Variants in OTUD7A observed in about 807,000 individuals in gnomAD.
OTUD7A encodes OTU domain-containing protein 7A.
Under a neutral mutation model 65.7 loss-of-function variants are expected in OTUD7A, and 12 were observed. That is an observed-to-expected ratio of 0.18 (90% CI 0.12 to 0.30). The LOEUF (loss-of-function observed/expected upper bound fraction) is 0.30. Ranked by LOEUF, OTUD7A falls within the 10% of genes least tolerant of loss-of-function variation. The pLI is 1.00. For missense variants in OTUD7A, 1,148 were observed against 1,304.8 expected (o/e 0.88, Z 1.85); for synonymous variants, 641 against 586.3 (o/e 1.09, Z -1.35).
chr15:31,728,858 A>G (rs904684229), intron 1 of OTUD7A, among the ~76,000 whole-genome samples: 1 of 152,204 alleles, frequency 6.6e-6, no homozygotes, highest in African/African-American at 2.4e-5. Flanking sequence ...TATGTCTGTC[A>G]TTCTCCCCTG....
At chr15:31,794,856 A>G (rs758945919) in intron 1 of OTUD7A, among the ~76,000 whole-genome samples, 2 of 152,220 alleles carry the variant, frequency 1.3e-5, no homozygotes, top group African/African-American at 2.4e-5. Flanking sequence ...CAACCCAGAT[A>G]TATGAATTAA....
At position 31,843,435 on chromosome 15, in the gene OTUD7A, C is replaced by T. The variant is rs16955965; in HGVS notation, c.-100+27072G>A. Among the ~76,000 whole-genome samples the T allele has an allele frequency of 2.3e-3, 344 of 151,644 alleles. 1 individual carries two copies. In the Middle Eastern group the frequency reaches 0.024, roughly 10 times the overall value. On this transcript the variant is annotated intron_variant, in intron 1 of 12. Transcript: ENST00000307050. Reference sequence around the variant, plus strand: ...TTATTTCTTTTGACAGTGATTTTTCCACACCTATGCTACTTTTCCAGCTCT... The same window carrying T: ...TTATTTCTTTTGACAGTGATTTTTCTACACCTATGCTACTTTTCCAGCTCT...
At chr15:31,516,623 A>G (rs2041860444) in intron 8 of OTUD7A, among the ~76,000 whole-genome samples, 1 of 152,204 alleles carries the variant, frequency 6.6e-6, no homozygotes. Context: ...CACCACACCC[A>G]AAGACCCAAG....
chr15:31,506,931 G>T (rs912736874), intron 8 of OTUD7A, among the ~76,000 whole-genome samples: 1 of 152,198 alleles, frequency 6.6e-6, no homozygotes, highest in African/African-American at 2.4e-5. Context: ...CATTTAAGTG[G>T]AAAGGGGATA....
intron 1 of OTUD7A, chr15:31,767,742 G>C: frequency 1.4e-6 from 1 of 712,840 alleles, no homozygotes; most frequent in East Asian, 2.6e-5. Flanking sequence ...GCATTTTCCT[G>C]AGATAAATGT....
At chr15:31,648,232 C>T (rs1422449462) in intron 3 of OTUD7A, among the ~76,000 whole-genome samples, 6 of 152,166 alleles carry the variant, frequency 3.9e-5, no homozygotes, top group Non-Finnish European at 5.9e-5. Context: ...TGAGTTCCTT[C>T]AAAGGCATTT....
intron 1 of OTUD7A, among the ~76,000 whole-genome samples, chr15:31,696,069 C>G (rs534086154): frequency 6.6e-6 from 1 of 152,100 alleles, no homozygotes; most frequent in Non-Finnish European, 1.5e-5. Context: ...GGCCTGCACA[C>G]GAAGGAGTCC....
chr15:31,851,608 C>G (rs1347540730), intron 1 of OTUD7A, among the ~76,000 whole-genome samples: 1 of 152,218 alleles, frequency 6.6e-6, no homozygotes, highest in Admixed American at 6.5e-5. Context: ...CTTTTCTCCA[C>G]ATTTGCAATA....
chr15:31,779,989 G>A lies in OTUD7A; in HGVS notation c.-100+90518C>T, dbSNP rs189309344. 3.3e-5 allele frequency among the ~76,000 whole-genome samples: 5 copies of A among 152,198 alleles called. No individual in the cohort carries two copies. The East Asian group carries it at 7.7e-4, about 24-fold the overall frequency. Reference sequence around the variant, plus strand: ...CAGAAGCCTTCACAACCCAGTCCAGGACAAAGTGCTGGGATCTGCTCCCTC... The same window carrying A: ...CAGAAGCCTTCACAACCCAGTCCAGAACAAAGTGCTGGGATCTGCTCCCTC... On this transcript the variant is annotated intron_variant, in intron 1 of 12. Transcript: ENST00000307050.
At chr15:31,641,750 T>C (rs538612666) in intron 3 of OTUD7A, among the ~76,000 whole-genome samples, 78 of 152,220 alleles carry the variant, frequency 5.1e-4, no homozygotes, top group Non-Finnish European at 6.5e-4. Flanking sequence ...AATTGATTTC[T>C]CTATATTGGT....
chr15:31,658,532 T>C (rs1041736418), intron 1 of OTUD7A, among the ~76,000 whole-genome samples: 2 of 151,976 alleles, frequency 1.3e-5, no homozygotes, highest in Non-Finnish European at 2.9e-5. Flanking sequence ...AGGGACTCTG[T>C]GGGAACTATG....
At chr15:31,774,259 C>T (rs985078561) in intron 1 of OTUD7A, among the ~76,000 whole-genome samples, 2 of 152,256 alleles carry the variant, frequency 1.3e-5, no homozygotes, top group Non-Finnish European at 1.5e-5. Flanking sequence ...CAGGAACAGG[C>T]TGAAGCAGGC....
chr15:31,500,799 C>A (rs1331414303), intron 10 of OTUD7A, among the ~76,000 whole-genome samples: 1 of 152,256 alleles, frequency 6.6e-6, no homozygotes, highest in African/African-American at 2.4e-5. Flanking sequence ...TGGGACCATA[C>A]CTAATGGCAG....
chr15:31,510,483 G>GTATGTATATGTATATGTAACATACATATA, intron 8 of OTUD7A, among the ~76,000 whole-genome samples: 1 of 136,012 alleles, frequency 7.4e-6, no homozygotes, highest in Middle Eastern at 3.9e-3. Flanking sequence ...ATATATATAT[G>GTATGTATATGTATATGTAACATACATATA]TATGTATATC....
chr15:31,865,124 T>C (rs1897845321), intron 1 of OTUD7A, among the ~76,000 whole-genome samples: 1 of 152,248 alleles, frequency 6.6e-6, no homozygotes, highest in Non-Finnish European at 1.5e-5. Flanking sequence ...GTGATGATTC[T>C]TTCAAGAGAT....
rs370284132 is a variant in OTUD7A at position 31,722,660 on chromosome 15, C to T, written c.-99-65583G>A. Among the ~76,000 whole-genome samples, 200 of 152,328 alleles carry T rather than the reference C, an allele frequency of 1.3e-3. 5 individuals carry two copies. Among genetic ancestry groups the T allele is most frequent in the African/African-American group, 4.4e-3 (182 of 41,576 alleles). On this transcript the variant is annotated intron_variant, in intron 1 of 12. Coordinates refer to ENST00000307050, the MANE Select transcript of OTUD7A (RefSeq NM_001382637.1). ...ACTGCGGCCCAGGGAGTGACCAGAG[C>T]CAGCAGAGTTGCCACCACCCAGGGC...
chr15:31,765,249 G>C (rs1311481317), intron 1 of OTUD7A, among the ~76,000 whole-genome samples: 1 of 151,910 alleles, frequency 6.6e-6, no homozygotes, highest in Non-Finnish European at 1.5e-5. Context: ...TATATAAATA[G>C]ATCAAAAGTG....
intron 5 of OTUD7A, among the ~76,000 whole-genome samples, chr15:31,542,861 A>C (rs1888026437): frequency 2.6e-5 from 4 of 151,918 alleles, no homozygotes; most frequent in Admixed American, 2.6e-4. Context: ...GAATGAAAAT[A>C]ACTGGCAATC....
At chr15:31,507,203 T>A (rs560594818) in intron 8 of OTUD7A, among the ~76,000 whole-genome samples, 86 of 152,332 alleles carry the variant, frequency 5.6e-4, no homozygotes, top group Non-Finnish European at 1.1e-3. Flanking sequence ...TTAGGGTTTT[T>A]AAAAATTTAT....
Sources: allele counts gnomAD v4.1 joint callset (sites outside exome capture counted in the v4.1 genomes callset), GRCh38; gene constraint gnomAD v4.1.1; transcripts MANE v1.5; gene names NCBI Gene and HGNC (gene_info 2026-07-23, HGNC 2026-07-21).